NCAPD3: variants seen among roughly 807,000 people sequenced by gnomAD.
The protein encoded by NCAPD3 is non-SMC condensin II complex subunit D3, also known as condensin-2 complex subunit D3.
NCAPD3 carries 105 observed loss-of-function variants against 182.9 expected under a neutral mutation model. That is an observed-to-expected ratio of 0.57 (90% CI 0.49 to 0.68). The LOEUF (loss-of-function observed/expected upper bound fraction) is 0.68. NCAPD3 is among the 30% of genes least tolerant of loss of function. The pLI is 0.00. For missense variants in NCAPD3, 1,944 were observed against 1,837.0 expected (o/e 1.06, Z -1.07); for synonymous variants, 815 against 679.9 (o/e 1.20, Z -3.09).
intron 20 of NCAPD3, 64 bp from the exon 21 acceptor site, chr11:134,179,000 A>C (rs1193282097): frequency 2.8e-6 from 3 of 1,088,856 alleles, no homozygotes; most frequent in Non-Finnish European, 4.2e-6. Flanking sequence ...TAGCTAGATT[A>C]AGGACATGTC....
At chr11:134,158,987 C>G (rs1427266298) in intron 29 of NCAPD3, among the ~76,000 whole-genome samples, 1 of 152,214 alleles carries the variant, frequency 6.6e-6, no homozygotes. Context: ...ATCCATGTTG[C>G]AACAGATGAC....
intron 22 of NCAPD3, chr11:134,178,072 CAAAA>C (rs907137113): frequency 6.6e-6 from 1 of 151,598 alleles, no homozygotes; most frequent in Non-Finnish European, 1.5e-5. Context: ...AATAAAAAAA[CAAAA>C]AAACAAAATA....
chr11:134,191,587 A>G (rs979170564), intron 16 of NCAPD3, among the ~76,000 whole-genome samples: 1 of 152,202 alleles, frequency 6.6e-6, no homozygotes, highest in African/African-American at 2.4e-5. Flanking sequence ...CTTTTTTGCA[A>G]AGAATGACTA....
chr11:134,156,930 G>C, intron 32 of NCAPD3, 88 bp downstream of exon 32: 5 of 1,177,868 alleles, frequency 4.2e-6, no homozygotes. Flanking sequence ...ATCCTGCACC[G>C]GAAGGAGTTT....
intron 2 of NCAPD3, among the ~76,000 whole-genome samples, chr11:134,218,259 C>A (rs756284577): frequency 6.6e-6 from 1 of 152,076 alleles, no homozygotes; most frequent in African/African-American, 2.4e-5. Flanking sequence ...CACCTTGGCC[C>A]CATGTGATCC....
chr11:134,174,382 C>CAAAAAAAAAAAAAAAAA (rs34533048), intron 24 of NCAPD3, among the ~76,000 whole-genome samples: 27 of 53,606 alleles, frequency 5.0e-4, no homozygotes, highest in Admixed American at 8.2e-4. Context: ...GACCCTGTCT[C>CAAAAAAAAAAAAAAAAA]AAAAAAAAAA....
chr11:134,160,831 C>T (rs973502794), intron 28 of NCAPD3, among the ~76,000 whole-genome samples: 1 of 152,056 alleles, frequency 6.6e-6, no homozygotes, highest in Non-Finnish European at 1.5e-5. Flanking sequence ...GAGACTCCCT[C>T]AAGCTACTGA....
At chr11:134,215,028 A>G (rs1161152556) in intron 3 of NCAPD3, among the ~76,000 whole-genome samples, 1 of 152,256 alleles carries the variant, frequency 6.6e-6, no homozygotes, top group East Asian at 1.9e-4. Flanking sequence ...CCAAGGTCAT[A>G]CAAAATTGGT....
intron 14 of NCAPD3, 49 bp downstream of exon 14, chr11:134,194,616 T>C: frequency 7.4e-7 from 1 of 1,343,212 alleles, no homozygotes; most frequent in Non-Finnish European, 1.0e-6. Context: ...CCTTTGCATT[T>C]CCAAGTTTTT....
At chr11:134,176,420 C>A (rs572124043) in intron 23 of NCAPD3, 34 bp from the exon 24 acceptor site, 13 of 1,579,442 alleles carry the variant, frequency 8.2e-6, no homozygotes, top group East Asian at 2.2e-5. Context: ...TTTCAGAGTG[C>A]GTCATCATGG....
intron 20 of NCAPD3, 64 bp downstream of exon 20, chr11:134,181,013 C>T (rs1944283865): frequency 2.4e-6 from 3 of 1,249,446 alleles, no homozygotes; most frequent in Non-Finnish European, 3.5e-6. Flanking sequence ...ACAAAGTCAT[C>T]TTTAATAGAA....
chr11:134,220,159 T>C (rs1938173036), intron 2 of NCAPD3, among the ~76,000 whole-genome samples: 1 of 152,026 alleles, frequency 6.6e-6, no homozygotes, highest in South Asian at 2.1e-4. Context: ...CTTGGTCTAG[T>C]TTTCTTGTTT....
rs770892188 is a variant in NCAPD3, at chr11:134,203,650, TCA to T, written c.1468+2_1468+3del. 2 of 1,610,724 alleles carry T rather than the reference TCA, an allele frequency of 1.2e-6. No homozygotes were observed. The highest frequency in any genetic ancestry group is 1.7e-6 in the Non-Finnish European group (2 of 1,179,576). ...TTTACTGTCCCAATAGTCGCCATAC[TCA>T]CTGTTAATCAGGAGCTCCAGGATAC... On this transcript the variant is annotated splice_donor_variant and splice_donor_region_variant and intron_variant, in intron 11 of 34. Transcript: ENST00000534548. LOFTEE classifies it high-confidence loss of function.
In NCAPD3 at chr11:134,194,169, A is replaced by G; in HGVS notation, c.1690-19T>C. 1 of 1,611,306 alleles carries G rather than the reference A, an allele frequency of 6.2e-7. No homozygotes were observed. Among genetic ancestry groups the G allele is most frequent in the Non-Finnish European group, 8.5e-7 (1 of 1,178,362 alleles). ...CTAATACCTAGAAGGCATAGACGCA[A>G]CATGAACTGTTAACTGCATAGCATC... On this transcript the variant is annotated intron_variant, in intron 14 of 34. Coordinates refer to ENST00000534548, the MANE Select transcript of NCAPD3 (RefSeq NM_015261.3).
rs201766156 is a variant in NCAPD3, at chr11:134,160,002, C to G, written c.3757G>C (p.Glu1253Gln). The G allele has an allele frequency of 3.0e-5, 48 of 1,614,204 alleles. No individual in the cohort carries two copies. Among genetic ancestry groups the G allele is most frequent in the African/African-American group, 6.7e-5 (5 of 75,078 alleles). The change falls in exon 29 of 35, where the codon GAG (glutamate) becomes CAG (glutamine). Residue 1253 changes from glutamate (E) to glutamine (Q), a missense_variant. By Grantham distance (29) the Glu-to-Gln change is conservative (BLOSUM62 2). This residue lies in a region of NCAPD3 where 1,803 missense variants were observed against 1,674.6 expected (regional missense o/e 1.08). Transcript: ENST00000534548. ...TCCTGGTACTTCTTCATGTCATACT[C>G]AAGCTCTGATGCCAGCTGTTTGTCA... is the stretch of plus-strand genomic sequence containing the variant. ...AVDKQLASELEYDMKKYQEQL... is the reference protein window; with the variant it reads ...AVDKQLASELQYDMKKYQEQL...
chr11:134,170,522 C>T (rs1298802973), intron 24 of NCAPD3, among the ~76,000 whole-genome samples: 5 of 152,230 alleles, frequency 3.3e-5, no homozygotes, highest in Admixed American at 6.5e-5. Flanking sequence ...GCAGTTTCCA[C>T]ATTATGTGAA....
At chr11:134,199,406 C>T (rs987426056) in intron 13 of NCAPD3, among the ~76,000 whole-genome samples, 1 of 152,164 alleles carries the variant, frequency 6.6e-6, no homozygotes, top group Non-Finnish European at 1.5e-5. Context: ...ATTCACAAAA[C>T]TCACTCCATT....
In NCAPD3 at chr11:134,157,111, T is replaced by C. The variant is rs950371043; in HGVS notation, c.4175-16A>G. 6.3e-7 allele frequency: 1 copy of C among 1,599,472 alleles called. No individual in the cohort carries two copies. Among genetic ancestry groups the C allele is most frequent in the Non-Finnish European group, 8.5e-7 (1 of 1,169,952 alleles). ...TATGAAGACACTAGAACAGAAAAGG[T>C]GCTGCTATCCAGAAATACCCCCAAA... On this transcript the variant is annotated splice_polypyrimidine_tract_variant and intron_variant, in intron 31 of 34. Transcript: ENST00000534548.
At chr11:134,167,911 G>A (rs1943903003) in intron 27 of NCAPD3, 85 bp downstream of exon 27, 3 of 1,212,164 alleles carry the variant, frequency 2.5e-6, no homozygotes, top group East Asian at 2.3e-5. Flanking sequence ...GATGAGCTTG[G>A]GGGAGGTGCA....
Sources: allele counts gnomAD v4.1 joint callset (sites outside exome capture counted in the v4.1 genomes callset), GRCh38; gene constraint gnomAD v4.1.1; regional missense constraint gnomAD v4.1.1; transcripts MANE v1.5; gene names NCBI Gene and HGNC (gene_info 2026-07-23, HGNC 2026-07-21).